The following TFAM variants were observed in gnomAD, a reference collection of about 807,000 sequenced individuals.
The protein encoded by TFAM is transcription factor A, mitochondrial.
A neutral mutation model predicts 30.6 loss-of-function variants in TFAM; 13 were observed. That is an observed-to-expected ratio of 0.42 (90% CI 0.28 to 0.67). The LOEUF is 0.67. Ranked by LOEUF, TFAM falls within the 30% of genes least tolerant of loss-of-function variation. The pLI, the probability that TFAM is intolerant of heterozygous loss-of-function variation, is 0.21. For missense variants in TFAM, 231 were observed against 293.7 expected (o/e 0.79, Z 1.56); for synonymous variants, 106 against 94.8 (o/e 1.12, Z -0.69).
At chr10:58,385,966 G>T (rs1840480222) in intron 1 of TFAM, among the ~76,000 whole-genome samples, 2 of 152,310 alleles carry the variant, frequency 1.3e-5, no homozygotes, top group African/African-American at 4.8e-5. Context: ...AGGAGGCGGG[G>T]CCCAGGAGCT....
chr10:58,390,131 A>C (rs1840564135), intron 4 of TFAM, among the ~76,000 whole-genome samples: 1 of 152,246 alleles, frequency 6.6e-6, no homozygotes, highest in Admixed American at 6.5e-5. Flanking sequence ...CCAAATTGCT[A>C]TTAAGAGCCA....
intron 5 of TFAM, among the ~76,000 whole-genome samples, chr10:58,391,647 C>G (rs1258448843): frequency 1.3e-5 from 2 of 151,878 alleles, no homozygotes; most frequent in Non-Finnish European, 2.9e-5. Context: ...AGACATTTAA[C>G]TGTCATCCCA....
At chr10:58,393,710 A>G (rs1319907913) in intron 5 of TFAM, among the ~76,000 whole-genome samples, 1 of 152,112 alleles carries the variant, frequency 6.6e-6, no homozygotes, top group African/African-American at 2.4e-5. Flanking sequence ...CAACGTGGTA[A>G]GACCCCATCT....
intron 4 of TFAM, among the ~76,000 whole-genome samples, chr10:58,389,345 A>G (rs532910948): frequency 6.6e-6 from 1 of 152,288 alleles, no homozygotes; most frequent in Admixed American, 6.5e-5. Flanking sequence ...CATGGTTCAA[A>G]ATTTGTAGTT....
At chr10:58,388,040 T>C in intron 2 of TFAM, 150 bp from the exon 3 acceptor site, 1 of 655,816 alleles carries the variant, frequency 1.5e-6, no homozygotes, top group Admixed American at 2.5e-5. Context: ...GTTGGATAAA[T>C]TACTTACGTT....
rs1350851808 is a variant in TFAM at position 58,385,564 on chromosome 10, G to C, written c.17G>C (p.Ser6Thr). The C allele has an allele frequency of 6.4e-7, 1 of 1,568,472 alleles. No individual in the cohort carries two copies. Among genetic ancestry groups the C allele is most frequent in the African/African-American group, 1.4e-5 (1 of 73,880 alleles). Residue 6 changes from serine to threonine, a missense_variant, in exon 1 of 7, where the codon AGC (serine) becomes ACC (threonine). Coordinates refer to ENST00000487519, the MANE Select transcript of TFAM (RefSeq NM_003201.3). MAFLR[S>T]MWGVLSALGR... The stretch of plus-strand genomic sequence containing the variant: ...ACCGGAGCGATGGCGTTTCTCCGAA[G>C]CATGTGGGGCGTGCTGAGTGCCCTG...
Position 58,388,260 on chromosome 10 carries a change from A to G in TFAM, c.291A>G (p.Lys97=). The change falls in exon 3 of 7, where the codon AAA becomes AAG. Residue 97 remains lysine, a splice_region_variant and synonymous_variant. Transcript: ENST00000487519. ...GGGAACTTCCTGATTCAAAGAAAAA[A>G]GTAAGCACATAAGTTTTCAACATTG... ...RWRELPDSKK[K]IYQDAYRAEW... is the part of the protein sequence containing the mutation. 6.2e-7 allele frequency: 1 copy of G among 1,613,622 alleles called. No individual in the cohort carries two copies. Among genetic ancestry groups the G allele is most frequent in the Non-Finnish European group, 8.5e-7 (1 of 1,179,534 alleles).
chr10:58,395,303 G>A lies in TFAM; in HGVS notation c.*229G>A. 2 of 510,390 alleles carry A rather than the reference G, an allele frequency of 3.9e-6. No homozygotes were observed. The highest frequency in any genetic ancestry group is 4.3e-5 in the South Asian group (2 of 46,108). 31.6% of individuals were successfully genotyped at this position (510,390 alleles called of 1,614,324 possible). A position where few individuals can be genotyped will look rare whatever the true frequency, so the allele number is the denominator to read the frequency against. ...TGTTTAGGAACTACTGAGGATCAGAGTAATCCAAGCAAATGTGAATCATTT... is the reference window on the plus strand; with the variant it reads ...TGTTTAGGAACTACTGAGGATCAGAATAATCCAAGCAAATGTGAATCATTT... On this transcript the variant is annotated 3_prime_UTR_variant, in exon 7 of 7. Transcript: ENST00000487519.
At chr10:58,387,221 C>T (rs1840507160) in intron 2 of TFAM, among the ~76,000 whole-genome samples, 1 of 152,054 alleles carries the variant, frequency 6.6e-6, no homozygotes, top group African/African-American at 2.4e-5. Context: ...CATGACTGCT[C>T]CACTGCACTC....
intron 1 of TFAM, 143 bp downstream of exon 1, chr10:58,385,791 G>C: frequency 1.4e-6 from 1 of 720,042 alleles, no homozygotes; most frequent in Non-Finnish European, 2.5e-6. Flanking sequence ...ACCTTGCCAA[G>C]GGGACGGTGG....
chr10:58,393,207 C>T (rs758706130), intron 5 of TFAM, among the ~76,000 whole-genome samples: 37 of 152,036 alleles, frequency 2.4e-4, no homozygotes, highest in Non-Finnish European at 4.4e-4. Flanking sequence ...TCTCGAACTC[C>T]TGACCTCATG....
rs905754734 is a variant in TFAM, at chr10:58,398,001, C to T, written c.*2927C>T. The T allele has an allele frequency of 6.6e-6, 1 of 152,250 alleles. No homozygotes were observed. Among genetic ancestry groups the T allele is most frequent in the Non-Finnish European group, 1.5e-5 (1 of 68,200 alleles). The allele number at this position is 152,250 out of a possible 1,614,324, so 9.4% of individuals were successfully genotyped here. On this transcript the variant is annotated 3_prime_UTR_variant, in exon 7 of 7. Transcript: ENST00000487519. The stretch of plus-strand genomic sequence containing the variant: ...CTCAAACTCCTGGCATCAAGCGTTC[C>T]TCCTTCCTTGGCCTCCTTAAGTGCT...
At position 58,391,107 on chromosome 10, in the gene TFAM, G is replaced by A. The variant is rs191321905; in HGVS notation, c.537+247G>A. ...AAATACTTAACATTTTTTTTAATATGTAGGGATATTAAAGTTCTTCTGGAG... is the reference window on the plus strand; with the variant it reads ...AAATACTTAACATTTTTTTTAATATATAGGGATATTAAAGTTCTTCTGGAG... On this transcript the variant is annotated intron_variant, in intron 5 of 6. Transcript: ENST00000487519. Among the ~76,000 whole-genome samples, 636 of 152,002 alleles carry A rather than the reference G, an allele frequency of 4.2e-3. 2 individuals carry two copies. Among genetic ancestry groups the A allele is most frequent in the Non-Finnish European group, 7.4e-3 (500 of 67,944 alleles).
In TFAM at chr10:58,397,750, TGTG is replaced by T. The variant is rs1156860799; in HGVS notation, c.*2677_*2679del. On this transcript the variant is annotated 3_prime_UTR_variant, in exon 7 of 7. Transcript: ENST00000487519. ...ATGACCACTCATATAAAGTCTTATTTGTGTGTGTGTGTGTGTGTGTGTGCACGT... is the reference window on the plus strand; with the variant it reads ...ATGACCACTCATATAAAGTCTTATTTTGTGTGTGTGTGTGTGTGTGCACGT... 1.5e-5 allele frequency: 1 copy of T among 64,674 alleles called. No homozygotes were observed. The highest frequency in any genetic ancestry group is 5.2e-4 in the South Asian group (1 of 1,906). The allele number at this position is 64,674 out of a possible 1,614,324, so 4.0% of individuals were successfully genotyped here.
intron 2 of TFAM, among the ~76,000 whole-genome samples, chr10:58,387,581 C>T (rs1293613701): frequency 6.6e-6 from 1 of 152,056 alleles, no homozygotes; most frequent in Non-Finnish European, 1.5e-5. Flanking sequence ...AAGTGTTTTG[C>T]TTGAAATATG....
chr10:58,395,044 A>G lies in TFAM; in HGVS notation c.711A>G (p.Lys237=), dbSNP rs1564569601. Residue 237 remains lysine (K), a synonymous_variant, in exon 7 of 7, where the codon AAA becomes AAG. Transcript: ENST00000487519. Reference sequence around the variant, plus strand: ...ATCTTCTACGTCGCACAATAAAGAAACAACGAAAATATGGTGCTGAGGAGT... The same window carrying G: ...ATCTTCTACGTCGCACAATAAAGAAGCAACGAAAATATGGTGCTGAGGAGT... ...RKDLLRRTIK[K]QRKYGAEEC is the part of the protein sequence containing the mutation. 1.9e-6 allele frequency: 3 copies of G among 1,613,720 alleles called. No homozygotes were observed. Among genetic ancestry groups the G allele is most frequent in the Admixed American group, 1.7e-5 (1 of 60,022 alleles).
intron 5 of TFAM, among the ~76,000 whole-genome samples, chr10:58,392,720 G>A (rs888334624): frequency 6.6e-6 from 1 of 151,462 alleles, no homozygotes; most frequent in Admixed American, 6.6e-5. Context: ...TGTTATACAG[G>A]CTGGAGTGCG....
chr10:58,387,469 A>G (rs1840511866), intron 2 of TFAM, among the ~76,000 whole-genome samples: 2 of 152,230 alleles, frequency 1.3e-5, no homozygotes, highest in Admixed American at 6.5e-5. Flanking sequence ...CTTGTTTCCA[A>G]ATGATATTTC....
chr10:58,389,651 T>G (rs1227265657), intron 4 of TFAM, among the ~76,000 whole-genome samples: 1 of 152,112 alleles, frequency 6.6e-6, no homozygotes, highest in East Asian at 1.9e-4. Context: ...ATCTAATCAG[T>G]AAAAGGGAGC....
Sources: gnomAD v4.1 joint callset for allele counts (sites outside exome capture counted in the v4.1 genomes callset) on GRCh38, gnomAD v4.1.1 for gene constraint, MANE v1.5 for transcripts, NCBI Gene and HGNC (gene_info 2026-07-23, HGNC 2026-07-21) for gene names.